TNKS: variants seen among roughly 807,000 people sequenced by gnomAD.
TNKS encodes tankyrase, also known as poly [ADP-ribose] polymerase tankyrase-1.
In TNKS, 72 loss-of-function variants were observed where a neutral mutation model predicts 135.8. The ratio of observed to expected loss-of-function variants is 0.53; its 90% CI spans 0.44 to 0.64. TNKS has a LOEUF of 0.64. Among genes scored for constraint, TNKS ranks in the 30% least tolerant of loss-of-function variants. The pLI is 0.00. For synonymous variants in TNKS, 849 were observed against 649.3 expected (o/e 1.31, Z -4.68); for missense variants, 1,769 against 1,674.0 (o/e 1.06, Z -0.99).
intron 3 of TNKS, among the ~76,000 whole-genome samples, chr8:9,666,075 C>G (rs1260236564): frequency 6.6e-6 from 1 of 152,146 alleles, no homozygotes; most frequent in East Asian, 1.9e-4. Context: ...CAAATTTGCT[C>G]CTACTGTAGT....
intron 3 of TNKS, among the ~76,000 whole-genome samples, chr8:9,652,999 C>G (rs1343389708): frequency 3.9e-5 from 6 of 152,168 alleles, no homozygotes; most frequent in Non-Finnish European, 8.8e-5. Flanking sequence ...CAGTGATTCC[C>G]TAGCCAGGCA....
intron 20 of TNKS, among the ~76,000 whole-genome samples, chr8:9,755,251 G>A (rs576144834): frequency 6.6e-5 from 10 of 152,252 alleles, no homozygotes; most frequent in African/African-American, 2.2e-4. Flanking sequence ...TAATAGTTTA[G>A]TCTCCTAGTC....
At chr8:9,731,471 A>AAC (rs1314762652) in intron 14 of TNKS, among the ~76,000 whole-genome samples, 6 of 140,868 alleles carry the variant, frequency 4.3e-5, no homozygotes, top group Non-Finnish European at 7.6e-5. Flanking sequence ...AAAAAAAAAA[A>AAC]AAAAAAAAAA....
intron 1 of TNKS, among the ~76,000 whole-genome samples, chr8:9,571,154 T>C (rs1014217449): frequency 1.3e-5 from 2 of 152,194 alleles, no homozygotes; most frequent in African/African-American, 4.8e-5. Flanking sequence ...CAACAAATTC[T>C]ATGTTGAATT....
intron 2 of TNKS, among the ~76,000 whole-genome samples, chr8:9,583,031 G>C (rs900825612): frequency 1.3e-4 from 20 of 151,890 alleles, no homozygotes; most frequent in African/African-American, 4.4e-4. Context: ...GCTGGGTGTG[G>C]TGGCGGGCAC....
rs1461349891 is a variant in TNKS, at chr8:9,679,955, A to G, written c.999A>G (p.Glu333=). ...DPSAKAVLTG[E]YKKDELLEAA... is the part of the protein sequence containing the mutation. ...TGATATTTTGCAATCATCTAGGTGA[A>G]TACAAGAAAGACGAACTCCTAGAAG... is the stretch of plus-strand genomic sequence containing the variant. The change falls in exon 4 of 27, where the codon GAA becomes GAG. Residue 333 remains glutamate (E), a synonymous_variant. Coordinates refer to ENST00000310430, the MANE Select transcript of TNKS (RefSeq NM_003747.3). 1.9e-6 allele frequency: 3 copies of G among 1,613,054 alleles called. No homozygotes were observed. Among genetic ancestry groups the G allele is most frequent in the African/African-American group, 1.3e-5 (1 of 75,044 alleles).
intron 3 of TNKS, among the ~76,000 whole-genome samples, chr8:9,649,122 A>G (rs1801034762): frequency 6.6e-6 from 1 of 152,216 alleles, no homozygotes; most frequent in African/African-American, 2.4e-5. Context: ...CATACTTTTC[A>G]TTACAAAGTT....
At chr8:9,556,962 T>C (rs1227114039) in intron 1 of TNKS, 4 of 446,272 alleles carry the variant, frequency 9.0e-6, no homozygotes, top group Non-Finnish European at 1.6e-5. Flanking sequence ...GTTTGTGTGC[T>C]AGTTTATTTT....
In TNKS at chr8:9,575,223, A is replaced by T. The variant is rs143195687; in HGVS notation, c.674-4936A>T. The stretch of plus-strand genomic sequence containing the variant: ...TGCCTCAGCCTCCGGAGTAGCTGGG[A>T]CTACAGGCGCCCGCCACCACGCAGG... On this transcript the variant is annotated intron_variant, in intron 1 of 26. Transcript: ENST00000310430. The T allele has an allele frequency of 1.5e-3, 751 of 496,080 alleles. 6 individuals are homozygous for T. The highest frequency in any genetic ancestry group is 0.015 in the African/African-American group (717 of 47,794). The allele number at this position is 496,080 out of a possible 1,614,324, so 30.7% of individuals were successfully genotyped here.
At chr8:9,772,795 GTGTGTGTGTGTGTT>G (rs1347939569) in intron 26 of TNKS, among the ~76,000 whole-genome samples, 6 of 124,724 alleles carry the variant, frequency 4.8e-5, no homozygotes, top group African/African-American at 1.6e-4. Context: ...TGGGGAGAAT[GTGTGTGTGTGTGTT>G]TGTGTGTGTG....
At chr8:9,717,076 T>TATATATATATATATATATATATAC (rs1428385535) in intron 11 of TNKS, among the ~76,000 whole-genome samples, 2 of 74,184 alleles carry the variant, frequency 2.7e-5, no homozygotes, top group Non-Finnish European at 6.0e-5. Context: ...TATTATAATA[T>TATATATATATATATATATATATAC]ATATATATAT....
At chr8:9,639,137 G>A (rs1457490155) in intron 3 of TNKS, among the ~76,000 whole-genome samples, 2 of 152,156 alleles carry the variant, frequency 1.3e-5, no homozygotes, top group African/African-American at 4.8e-5. Flanking sequence ...GTCCAGTAGT[G>A]TGATATAATT....
At chr8:9,585,779 T>C (rs1798354617) in intron 2 of TNKS, among the ~76,000 whole-genome samples, 2 of 152,210 alleles carry the variant, frequency 1.3e-5, no homozygotes, top group Admixed American at 1.3e-4. Flanking sequence ...TTGTCTTATA[T>C]GCAGAGACTG....
chr8:9,584,419 A>T (rs1253362015), intron 2 of TNKS, among the ~76,000 whole-genome samples: 2 of 152,196 alleles, frequency 1.3e-5, no homozygotes, highest in East Asian at 1.9e-4. Context: ...ACAAAATCTT[A>T]GCTATAGTAA....
At chr8:9,616,908 A>G (rs1799665335) in intron 3 of TNKS, among the ~76,000 whole-genome samples, 1 of 152,158 alleles carries the variant, frequency 6.6e-6, no homozygotes, top group Non-Finnish European at 1.5e-5. Flanking sequence ...CAGTCTCTTA[A>G]CAAAGCCCTG....
chr8:9,766,951 C>G (rs982875473), intron 25 of TNKS, among the ~76,000 whole-genome samples: 6 of 152,164 alleles, frequency 3.9e-5, no homozygotes, highest in Non-Finnish European at 7.4e-5. Context: ...TACATGGCCT[C>G]CAGTCACGGG....
chr8:9,661,369 C>T (rs1034920952), intron 3 of TNKS, among the ~76,000 whole-genome samples: 26 of 152,290 alleles, frequency 1.7e-4, no homozygotes, highest in Non-Finnish European at 3.1e-4. Context: ...CAGCATGGTA[C>T]TGGTACCAAA....
chr8:9,754,466 C>T (rs997009341), intron 20 of TNKS, among the ~76,000 whole-genome samples: 17 of 151,972 alleles, frequency 1.1e-4, no homozygotes, highest in Non-Finnish European at 1.9e-4. Flanking sequence ...GGTCTTTTTT[C>T]TTATTTATAT....
chr8:9,630,702 A>G (rs891636476), intron 3 of TNKS, among the ~76,000 whole-genome samples: 2 of 152,194 alleles, frequency 1.3e-5, no homozygotes, highest in African/African-American at 4.8e-5. Context: ...ATTGAAGAAA[A>G]ATTACAGAGA....
Sources: allele counts gnomAD v4.1 joint callset (sites outside exome capture counted in the v4.1 genomes callset), GRCh38; gene constraint gnomAD v4.1.1; transcripts MANE v1.5; gene names NCBI Gene and HGNC (gene_info 2026-07-23, HGNC 2026-07-21).